The following PRELID2 variants were observed in gnomAD, a reference collection of about 807,000 sequenced individuals.
The protein encoded by PRELID2 is PRELI domain-containing protein 2.
Under a neutral mutation model 28.4 loss-of-function variants are expected in PRELID2, and 25 were observed. The observed-to-expected ratio is 0.88, with a 90% CI of 0.64 to 1.23. The LOEUF is 1.23. Among genes scored for constraint, PRELID2 ranks in the 50% most tolerant of loss-of-function variants. PRELID2 has a pLI of 0.00. For missense variants in PRELID2, 201 were observed against 214.4 expected (o/e 0.94, Z 0.39); for synonymous variants, 76 against 71.6 (o/e 1.06, Z -0.31).
chr5:145,697,493 T>C (rs1311586637), intron 1 of PRELID2, among the ~76,000 whole-genome samples: 3 of 152,162 alleles, frequency 2.0e-5, no homozygotes, highest in Admixed American at 1.3e-4. Flanking sequence ...CTTTTATAAA[T>C]AAAGTTCAGT....
At chr5:145,548,580 A>G (rs1236890834) in intron 1 of PRELID2, among the ~76,000 whole-genome samples, 1 of 152,182 alleles carries the variant, frequency 6.6e-6, no homozygotes, top group Non-Finnish European at 1.5e-5. Flanking sequence ...TGCCAGTGCC[A>G]GAGATCTGGG....
At chr5:145,283,199 G>C in the PRELID2 span, among the ~76,000 whole-genome samples, 1 of 152,138 alleles carries the variant, frequency 6.6e-6, no homozygotes, top group Non-Finnish European at 1.5e-5. Flanking sequence ...AGTGGTTTGG[G>C]AGCTTCTCCA....
intron 1 of PRELID2, among the ~76,000 whole-genome samples, chr5:145,566,567 T>C (rs1013512173): frequency 6.6e-6 from 1 of 152,128 alleles, no homozygotes; most frequent in African/African-American, 2.4e-5. Context: ...AGGCCCCACA[T>C]GGTGGTTCAT....
intron 5 of PRELID2, among the ~76,000 whole-genome samples, chr5:145,777,929 C>T (rs73794429): frequency 0.024 from 3,650 of 152,252 alleles, 153 homozygotes; most frequent in African/African-American, 0.082. Flanking sequence ...AACATCAGGG[C>T]CGAATCTGGA....
chr5:145,687,368 AGG>A (rs2149693169), intron 1 of PRELID2, among the ~76,000 whole-genome samples: 3 of 152,344 alleles, frequency 2.0e-5, no homozygotes, highest in Admixed American at 2.0e-4. Flanking sequence ...AGACAAACCC[AGG>A]TTGAGATTCA....
chr5:145,507,898 A>G (rs1375852622), intron 1 of PRELID2, among the ~76,000 whole-genome samples: 1 of 152,196 alleles, frequency 6.6e-6, no homozygotes, highest in Non-Finnish European at 1.5e-5. Context: ...GTAGGTAAGA[A>G]ACTAACTTGA....
At chr5:145,651,709 G>A (rs1248859886) in intron 1 of PRELID2, among the ~76,000 whole-genome samples, 1 of 152,276 alleles carries the variant, frequency 6.6e-6, no homozygotes, top group Non-Finnish European at 1.5e-5. Flanking sequence ...CTGTTAAAAG[G>A]AAAACTAACA....
the PRELID2 span, among the ~76,000 whole-genome samples, chr5:145,364,778 A>G: frequency 6.6e-6 from 1 of 152,102 alleles, no homozygotes; most frequent in East Asian, 1.9e-4. Context: ...ACACATATTG[A>G]TTGCTGGGTG....
At chr5:145,477,614 T>G (rs534372506) in intron 1 of PRELID2, among the ~76,000 whole-genome samples, 2 of 152,232 alleles carry the variant, frequency 1.3e-5, no homozygotes, top group East Asian at 3.9e-4. Context: ...AATGGAGGAA[T>G]GAATCACAGT....
chr5:145,501,080 A>G (rs1752356333), intron 1 of PRELID2, among the ~76,000 whole-genome samples: 1 of 152,126 alleles, frequency 6.6e-6, no homozygotes, highest in African/African-American at 2.4e-5. Flanking sequence ...TAATCTGGGC[A>G]TGTCTCTTTC....
At chr5:145,690,882 A>G (rs983721871) in intron 1 of PRELID2, among the ~76,000 whole-genome samples, 2 of 152,170 alleles carry the variant, frequency 1.3e-5, no homozygotes, top group Non-Finnish European at 2.9e-5. Context: ...AACAATATTA[A>G]GCAAATGAAA....
intron 1 of PRELID2, among the ~76,000 whole-genome samples, chr5:145,510,725 C>A (rs769485099): frequency 6.6e-6 from 1 of 152,222 alleles, no homozygotes; most frequent in Non-Finnish European, 1.5e-5. Context: ...TTGCTCCCCA[C>A]TACCTATGTC....
the PRELID2 span, among the ~76,000 whole-genome samples, chr5:145,283,320 G>A: frequency 6.6e-6 from 1 of 152,218 alleles, no homozygotes; most frequent in Admixed American, 6.5e-5. Flanking sequence ...CAACTGGGGG[G>A]GAAAGATTGT....
chr5:145,611,840 C>T (rs942792538), intron 1 of PRELID2, among the ~76,000 whole-genome samples: 13 of 151,994 alleles, frequency 8.6e-5, no homozygotes, highest in Admixed American at 4.6e-4. Flanking sequence ...CAAAAATAGC[C>T]AAAACATACT....
At chr5:145,459,038 A>G in the PRELID2 span, among the ~76,000 whole-genome samples, 1 of 152,210 alleles carries the variant, frequency 6.6e-6, no homozygotes, top group Non-Finnish European at 1.5e-5. Context: ...GGGAAATGCC[A>G]TCAGCCACCT....
the PRELID2 span, among the ~76,000 whole-genome samples, chr5:145,291,269 G>A: frequency 3.3e-5 from 5 of 149,794 alleles, no homozygotes; most frequent in East Asian, 2.0e-4. Flanking sequence ...CCCGGGAGGC[G>A]GAGGTCGCAG....
intron 1 of PRELID2, among the ~76,000 whole-genome samples, chr5:145,656,304 G>A (rs907890293): frequency 7.2e-5 from 11 of 152,098 alleles, no homozygotes; most frequent in African/African-American, 1.4e-4. Context: ...ACTGTTGGTC[G>A]GACTGTAAAC....
intron 4 of PRELID2, among the ~76,000 whole-genome samples, chr5:145,798,280 T>C (rs1444535929): frequency 6.6e-6 from 1 of 152,140 alleles, no homozygotes; most frequent in Non-Finnish European, 1.5e-5. Context: ...AATCTCAGAA[T>C]GAGAAGAGAG....
chr5:145,307,957 C>A, the PRELID2 span, among the ~76,000 whole-genome samples: 2 of 152,150 alleles, frequency 1.3e-5, no homozygotes, highest in African/African-American at 4.8e-5. Context: ...CATACAGTTT[C>A]CCTGAACTCT....
Sources: gnomAD v4.1 joint callset for allele counts (sites outside exome capture counted in the v4.1 genomes callset) on GRCh38, gnomAD v4.1.1 for gene constraint, MANE v1.5 for transcripts, NCBI Gene and HGNC (gene_info 2026-07-23, HGNC 2026-07-21) for gene names.